Variants in HFM1 observed in about 807,000 individuals in gnomAD.
HFM1 encodes probable ATP-dependent DNA helicase HFM1.
A neutral mutation model predicts 192.1 loss-of-function variants in HFM1; 169 were observed. The observed-to-expected ratio is 0.88, with a 90% CI of 0.78 to 1.00. HFM1 has a LOEUF of 1.00. Among genes scored for constraint, HFM1 ranks in the 50% least tolerant of loss-of-function variants. The pLI is 0.00. For missense variants in HFM1, 1,661 were observed against 1,668.0 expected (o/e 1.00, Z 0.07); for synonymous variants, 525 against 537.8 (o/e 0.98, Z 0.33).
At chr1:91,324,965 C>T (rs1384979909) in intron 20 of HFM1, among the ~76,000 whole-genome samples, 199 bp from the exon 21 acceptor site, 1 of 152,160 alleles carries the variant, frequency 6.6e-6, no homozygotes, top group African/African-American at 2.4e-5. Context: ...TTTCTGCACA[C>T]AGAAAAGTAC....
rs189853444 is a variant in HFM1 at position 91,322,020 on chromosome 1, C to A, written c.2582+930G>T. On this transcript the variant is annotated intron_variant, in intron 23 of 38. Coordinates refer to ENST00000370425, the MANE Select transcript of HFM1 (RefSeq NM_001017975.6). ...TCATAACTTATCTGGGCATCACTTACATCGTTTGTAAAATGAGAGGATTGG... is the reference window on the plus strand; with the variant it reads ...TCATAACTTATCTGGGCATCACTTAAATCGTTTGTAAAATGAGAGGATTGG... 5.3e-5 allele frequency among the ~76,000 whole-genome samples: 8 copies of A among 152,278 alleles called. No homozygotes were observed. In the East Asian group the frequency reaches 1.5e-3, roughly 29 times the overall value.
chr1:91,278,401 A>G (rs1667153090), intron 30 of HFM1, among the ~76,000 whole-genome samples: 1 of 152,180 alleles, frequency 6.6e-6, no homozygotes, highest in Admixed American at 6.5e-5. Flanking sequence ...TGAAGGACAG[A>G]TGGAAATACG....
chr1:91,400,235 A>G (rs1664146439), intron 2 of HFM1, among the ~76,000 whole-genome samples: 1 of 152,214 alleles, frequency 6.6e-6, no homozygotes, highest in African/African-American at 2.4e-5. Context: ...AGTATTTAAC[A>G]TACTACCTAC....
chr1:91,380,004 C>T, intron 8 of HFM1, 100 bp downstream of exon 8: 1 of 509,964 alleles, frequency 2.0e-6, no homozygotes, highest in Non-Finnish European at 3.3e-6. Context: ...TATAGAAAAT[C>T]AAGTAATTCC....
At chr1:91,378,242 T>C (rs1661143522) in intron 10 of HFM1, 59 bp from the exon 11 acceptor site, 1 of 1,335,774 alleles carries the variant, frequency 7.5e-7, no homozygotes, top group African/African-American at 1.5e-5. Context: ...ATTTAATCAA[T>C]TAAAATATTC....
intron 17 of HFM1, 44 bp downstream of exon 17, chr1:91,351,505 C>A: frequency 2.1e-6 from 2 of 944,428 alleles, no homozygotes; most frequent in Admixed American, 2.4e-5. Flanking sequence ...ATAAAATAAG[C>A]TATATTAGCA....
In HFM1 at chr1:91,366,812, C is replaced by A. The variant is rs571818322; in HGVS notation, c.1685+8546G>T. On this transcript the variant is annotated intron_variant, in intron 13 of 38. Coordinates refer to ENST00000370425, the MANE Select transcript of HFM1 (RefSeq NM_001017975.6). Reference sequence around the variant, plus strand: ...CTTGAGCTGAAGCAGGGCGAGGCATCGCCTCACCCGGGAAATGCAAGGGGT... The same window carrying A: ...CTTGAGCTGAAGCAGGGCGAGGCATAGCCTCACCCGGGAAATGCAAGGGGT... Among the ~76,000 whole-genome samples, 268 of 152,328 alleles carry A rather than the reference C, an allele frequency of 1.8e-3. 1 individual carries two copies. The highest frequency in any genetic ancestry group is 2.3e-3 in the Non-Finnish European group (155 of 68,022).
Position 91,266,046 on chromosome 1 carries a change from C to A in HFM1, c.3945G>T (p.Lys1315Asn). ...TTGACATTTCTCTTTGGAATTTGCT[C>A]TTTGACTCTTGAAGGGGTAGCTTAC... ...RGSKLPLQES[K>N]SKFQREMSNS... Residue 1315 changes from lysine to asparagine, a missense_variant, in exon 36 of 39, where the codon AAG becomes AAT. By Grantham distance (94) the Lys-to-Asn change is moderately conservative. Transcript: ENST00000370425. 3.8e-6 allele frequency: 6 copies of A among 1,581,808 alleles called. No homozygotes were observed. Among genetic ancestry groups the A allele is most frequent in the Non-Finnish European group, 5.1e-6 (6 of 1,170,544 alleles).
intron 28 of HFM1, among the ~76,000 whole-genome samples, chr1:91,315,373 A>AC (rs1440196756): frequency 1.3e-5 from 2 of 152,256 alleles, no homozygotes; most frequent in East Asian, 3.9e-4. Flanking sequence ...AAGGGAGGGT[A>AC]CCTCCTCTAT....
At chr1:91,372,848 T>C (rs1376614432) in intron 13 of HFM1, among the ~76,000 whole-genome samples, 1 of 152,212 alleles carries the variant, frequency 6.6e-6, no homozygotes, top group Non-Finnish European at 1.5e-5. Flanking sequence ...CTCCCTTTCT[T>C]TCTACCTCTC....
chr1:91,277,103 T>A lies in HFM1; in HGVS notation c.3392-41A>T, dbSNP rs973597092. On this transcript the variant is annotated intron_variant, in intron 30 of 38. Coordinates refer to ENST00000370425, the MANE Select transcript of HFM1 (RefSeq NM_001017975.6). ...AAAAACAAATCCATTTGTCACTACA[T>A]TTATTATTGTTAATTTAATATAATT... 6 of 989,812 alleles carry A rather than the reference T, an allele frequency of 6.1e-6. No individual in the cohort carries two copies. The African/African-American group carries it at 8.2e-5, about 14-fold the overall frequency. The allele number at this position is 989,812 out of a possible 1,614,324, so 61.3% of individuals were successfully genotyped here. A position where few individuals can be genotyped will look rare whatever the true frequency, so the allele number is the denominator to read the frequency against.
intron 15 of HFM1, 96 bp from the exon 16 acceptor site, chr1:91,352,747 A>T (rs2101742499): frequency 1.1e-6 from 1 of 894,030 alleles, no homozygotes; most frequent in South Asian, 2.4e-5. Context: ...TGTAATAAAA[A>T]CTCATACATA....
intron 36 of HFM1, among the ~76,000 whole-genome samples, chr1:91,264,359 G>GTTTTTTTTTTTTTTTTTT (rs1466938761): frequency 5.2e-4 from 28 of 54,054 alleles, no homozygotes; most frequent in South Asian, 1.3e-3. Flanking sequence ...CACAAATTTA[G>GTTTTTTTTTTTTTTTTTT]TATTTTTTTT....
chr1:91,329,109 C>A lies in HFM1; in HGVS notation c.2336-4343G>T. On this transcript the variant is annotated intron_variant, in intron 20 of 38. Coordinates refer to ENST00000370425, the MANE Select transcript of HFM1 (RefSeq NM_001017975.6). Reference sequence around the variant, plus strand: ...GAGTATCTGGAGTATTGGGCCCAAGCGGGCTGTGGATCTAATCCAGAAGCA... The same window carrying A: ...GAGTATCTGGAGTATTGGGCCCAAGAGGGCTGTGGATCTAATCCAGAAGCA... 1.9e-6 allele frequency: 3 copies of A among 1,609,360 alleles called. No individual in the cohort carries two copies. The Admixed American group carries it at 5.0e-5, about 27-fold the overall frequency.
At chr1:91,375,470 G>A in intron 12 of HFM1, 24 bp from the exon 13 acceptor site, 3 of 1,610,526 alleles carry the variant, frequency 1.9e-6, no homozygotes, top group South Asian at 1.1e-5. Context: ...CATAACGTTT[G>A]TATTAATCAT....
intron 13 of HFM1, among the ~76,000 whole-genome samples, chr1:91,356,825 A>G (rs282056): frequency 0.36 from 55,282 of 151,960 alleles, 10,733 homozygotes; most frequent in East Asian, 0.53. Flanking sequence ...GAACAATTAT[A>G]TATTAATACT....
rs753475433 is a variant in HFM1, at chr1:91,375,542, C to T, written c.1581G>A (p.Gln527=). 20 of 1,613,024 alleles carry T rather than the reference C, an allele frequency of 1.2e-5. No homozygotes were observed. The highest frequency in any genetic ancestry group is 1.7e-5 in the Non-Finnish European group (20 of 1,179,348). The part of the protein sequence containing the change: ...IASVIQMYSD[Q]KPTLVFCATR... ...CAATCCATACCACAAGTGTGGGTTT[C>T]TGATCAGAGTACATTTGTATAACAC... The change falls in exon 12 of 39, where the codon CAG becomes CAA. Residue 527 remains glutamine, a synonymous_variant. Coordinates refer to ENST00000370425, the MANE Select transcript of HFM1 (RefSeq NM_001017975.6).
intron 13 of HFM1, among the ~76,000 whole-genome samples, chr1:91,367,915 A>T (rs1659601186): frequency 6.6e-6 from 1 of 152,242 alleles, no homozygotes; most frequent in African/African-American, 2.4e-5. Flanking sequence ...AAAGGACCTG[A>T]TGGAGCTGAA....
At chr1:91,348,526 C>A (rs182918054) in intron 18 of HFM1, among the ~76,000 whole-genome samples, 1 of 151,902 alleles carries the variant, frequency 6.6e-6, no homozygotes, top group Non-Finnish European at 1.5e-5. Context: ...CTGCATTGTT[C>A]GTAAGAGCAA....
Sources: gnomAD v4.1 joint callset for allele counts (sites outside exome capture counted in the v4.1 genomes callset) on GRCh38, gnomAD v4.1.1 for gene constraint, MANE v1.5 for transcripts, NCBI Gene and HGNC (gene_info 2026-07-23, HGNC 2026-07-21) for gene names.